Variants in PFAS observed in about 807,000 individuals in gnomAD.
PFAS encodes FGAM synthase.
A neutral mutation model predicts 140.6 loss-of-function variants in PFAS; 97 were observed. The ratio of observed to expected loss-of-function variants is 0.69; its 90% confidence interval spans 0.59 to 0.82. The LOEUF is 0.82. PFAS is among the 40% of genes least tolerant of loss of function. The probability of loss-of-function intolerance (pLI) is 0.00; values close to 1 mark genes in which losing one functional copy is unlikely to be tolerated. For synonymous variants in PFAS, 679 were observed against 718.8 expected, an observed-to-expected ratio of 0.94 and a Z score of 0.88; for missense variants, 1,656 against 1,780.2, an observed-to-expected ratio of 0.93 and a Z score of 1.26.
rs951587461 is a variant in PFAS, at chr17:8,265,069, C to A, written c.2224C>A (p.Leu742Met). Reference protein sequence around the residue: ...SLLDPKVAARLAVAEALTNLV... With the variant: ...SLLDPKVAARMAVAEALTNLV... ...GCTGGACCCAAAAGTCGCCGCCCGG[C>A]TGGCCGTGGCCGAAGCCCTCACCAA... The change falls in exon 18 of 28, where the codon CTG becomes ATG. Residue 742 changes from leucine (L) to methionine (M), a missense_variant. By Grantham distance (15) the Leu-to-Met change is conservative. Around this residue, in one of 2 missense-constraint regions of PFAS, gnomAD observed 883 missense variants for 1,023.0 expected, o/e 0.86. Transcript: ENST00000314666. 9 of 1,613,390 alleles carry A rather than the reference C, an allele frequency of 5.6e-6. No individual in the cohort carries two copies. The East Asian group carries it at 6.7e-5, about 12-fold the overall frequency.
Position 8,267,757 on chromosome 17 carries a change from A to C in PFAS, c.3382+92A>C. On this transcript the variant is annotated intron_variant, in intron 26 of 27. Coordinates refer to ENST00000314666, the MANE Select transcript of PFAS (RefSeq NM_012393.3). This position sits in a 1 kb window ranked among gnomAD's most constrained non-coding sequence, Gnocchi z 4.9. ...TTCCTGGGCTGGGGATTGGCCTCTC[A>C]CTCCACCGAGCTACGAGAGAGTGGG... 6 of 670,088 alleles carry C rather than the reference A, an allele frequency of 9.0e-6. No individual in the cohort carries two copies. Among genetic ancestry groups the C allele is most frequent in the Admixed American group, 5.7e-5 (2 of 34,834 alleles). 41.5% of individuals were successfully genotyped at this position (670,088 alleles called of 1,614,324 possible). A position where few individuals can be genotyped will look rare whatever the true frequency, so the allele number is the denominator to read the frequency against.
chr17:8,265,354 G>C lies in PFAS; in HGVS notation c.2347G>C (p.Asp783His), dbSNP rs757856682. ...KLPGEGAALA[D>H]ACEAMVAVMA... ...CCCAGGGGAGGGCGCAGCTTTGGCG[G>C]ATGCCTGTGAGGCTATGGTGGCAGT... The change falls in exon 19 of 28, where the codon GAT becomes CAT. Residue 783 changes from aspartate (D) to histidine (H), a missense_variant. Asp to His is a moderately conservative substitution (Grantham distance 81, BLOSUM62 -1). Around this residue, in one of 2 missense-constraint regions of PFAS, gnomAD observed 883 missense variants for 1,023.0 expected, o/e 0.86. Transcript: ENST00000314666. The C allele has an allele frequency of 1.2e-6, 2 of 1,614,078 alleles. No homozygotes were observed. The highest frequency in any genetic ancestry group is 2.7e-5 in the African/African-American group (2 of 74,944).
chr17:8,247,751 G>C (rs901954956), upstream of PFAS: 5 of 504,416 alleles, frequency 9.9e-6, no homozygotes, highest in Non-Finnish European at 1.8e-5. Context: ...ACCTGCTCCT[G>C]GTTTCCCACC....
In PFAS at chr17:8,265,906, G is replaced by T. The variant is rs201165318; in HGVS notation, c.2590G>T (p.Gly864Trp). ...VALSPGQHRL[G>W]GTALAQCFSQ... ...TCTGAGCCCTGGGCAGCACCGGCTC[G>T]GGGGCACAGCTCTGGCCCAGTGCTT... Residue 864 changes from glycine to tryptophan, a missense_variant, in exon 21 of 28, where the codon GGG becomes TGG. Gly to Trp is a radical substitution (Grantham distance 184). This residue lies in a region of PFAS where 883 missense variants were observed against 1,023.0 expected (regional missense o/e 0.86). Coordinates refer to ENST00000314666, the MANE Select transcript of PFAS (RefSeq NM_012393.3). 1.2e-6 allele frequency: 2 copies of T among 1,610,806 alleles called. No individual in the cohort carries two copies. Among genetic ancestry groups the T allele is most frequent in the African/African-American group, 1.3e-5 (1 of 74,958 alleles).
chr17:8,252,213 G>C (rs1333042803), intron 1 of PFAS, among the ~76,000 whole-genome samples: 2 of 151,012 alleles, frequency 1.3e-5, no homozygotes, highest in African/African-American at 4.9e-5. Flanking sequence ...AGAATTGCTT[G>C]AACCCAGGTG....
Position 8,269,441 on chromosome 17 carries a change from G to C in PFAS, c.*177G>C. On this transcript the variant is annotated 3_prime_UTR_variant, in exon 28 of 28. Transcript: ENST00000314666. ...TCTGCCTGCTGATGTTCCTTCTGTG[G>C]CTGTGTCTATTTTCAGTTCTGCTCT... The C allele has an allele frequency of 1.7e-6, 1 of 585,530 alleles. No individual in the cohort carries two copies. Among genetic ancestry groups the C allele is most frequent in the Non-Finnish European group, 3.0e-6 (1 of 328,574 alleles). 36.3% of individuals were successfully genotyped at this position (585,530 alleles called of 1,614,324 possible).
chr17:8,255,198 G>A, intron 4 of PFAS, 66 bp downstream of exon 4: 1 of 1,219,494 alleles, frequency 8.2e-7, no homozygotes, highest in South Asian at 1.2e-5. Flanking sequence ...CTAAGCTCTA[G>A]AGAGAAGCAG....
intron 11 of PFAS, among the ~76,000 whole-genome samples, chr17:8,262,153 C>G (rs957732873): frequency 3.3e-5 from 5 of 151,918 alleles, no homozygotes; most frequent in Non-Finnish European, 7.4e-5. Flanking sequence ...AGCAGTATAT[C>G]TTGGAAATAA....
Position 8,266,044 on chromosome 17 carries a change from C to A in PFAS, c.2701+27C>A, listed in dbSNP as rs778930633. ...TGAGTGAAGACCCCTGGGGAGATAG[C>A]GCACAGGGTGCCAGGCGTGCAGCAG... On this transcript the variant is annotated intron_variant, in intron 21 of 27. Transcript: ENST00000314666. This position sits in a 1 kb window ranked among gnomAD's most constrained non-coding sequence, Gnocchi z 5.0. The A allele has an allele frequency of 1.4e-5, 22 of 1,575,808 alleles. No homozygotes were observed. In the East Asian group the frequency reaches 3.8e-4, roughly 27 times the overall value.
At position 8,266,595 on chromosome 17, in the gene PFAS, A is replaced by C. The variant is rs1272470171; in HGVS notation, c.2822-158A>C. The stretch of plus-strand genomic sequence containing the variant: ...GAGATGTCCATGATGAAACATCCTC[A>C]GTCCTGCCGTCCTAGCCCTCATCCT... On this transcript the variant is annotated intron_variant, in intron 22 of 27. Coordinates refer to ENST00000314666, the MANE Select transcript of PFAS (RefSeq NM_012393.3). The surrounding 1 kb of genome is among the most constrained non-coding windows in gnomAD (Gnocchi z 5.0). The C allele has an allele frequency of 1.4e-6, 2 of 1,471,688 alleles. No individual in the cohort carries two copies. The highest frequency in any genetic ancestry group is 2.8e-5 in the African/African-American group (2 of 70,508). The allele number at this position is 1,471,688 out of a possible 1,614,324, so 91.2% of individuals were successfully genotyped here. A position where few individuals can be genotyped will look rare whatever the true frequency, so the allele number is the denominator to read the frequency against.
chr17:8,257,776 G>C (rs1490850225), intron 9 of PFAS, 31 bp from the exon 10 acceptor site: 2 of 1,612,578 alleles, frequency 1.2e-6, no homozygotes, highest in South Asian at 2.2e-5. Flanking sequence ...AGTTCATTCA[G>C]TTCATCCAGT....
chr17:8,262,734 T>G (rs1989641328), intron 11 of PFAS, among the ~76,000 whole-genome samples, 186 bp from the exon 12 acceptor site: 1 of 151,822 alleles, frequency 6.6e-6, no homozygotes, highest in Non-Finnish European at 1.5e-5. Context: ...AGACGGAGGT[T>G]GCAGTGAGCT....
chr17:8,255,972 G>T, intron 6 of PFAS, 62 bp downstream of exon 6: 3 of 1,274,024 alleles, frequency 2.4e-6, no homozygotes, highest in Admixed American at 1.7e-5. Flanking sequence ...GACCACAGGG[G>T]CTCACCTTCA....
At chr17:8,252,064 C>T (rs981070276) in intron 1 of PFAS, among the ~76,000 whole-genome samples, 1 of 151,864 alleles carries the variant, frequency 6.6e-6, no homozygotes, top group South Asian at 2.1e-4. Flanking sequence ...GAGTCCGAGG[C>T]GGGCAGATCA....
chr17:8,262,316 G>A (rs914000862), intron 11 of PFAS: 9 of 152,820 alleles, frequency 5.9e-5, no homozygotes, highest in African/African-American at 2.2e-4. Context: ...TAATACAAAC[G>A]TTACTGTGGT....
intron 9 of PFAS, among the ~76,000 whole-genome samples, chr17:8,257,168 C>T (rs111439370): frequency 0.014 from 2,056 of 152,250 alleles, 19 homozygotes; most frequent in Middle Eastern, 0.051. Flanking sequence ...TGCAGGTCTA[C>T]GATTTTCTTT....
rs1367590745 is a variant in PFAS at position 8,264,206 on chromosome 17, C to G, written c.1792-6C>G. On this transcript the variant is annotated splice_region_variant and splice_polypyrimidine_tract_variant and intron_variant, in intron 15 of 27. Transcript: ENST00000314666. ...CCCCTCTGGGTGGGGTCCCTGTGGT[C>G]TATAGATAGTGCTGGTGGACGATCG... The G allele has an allele frequency of 1.2e-6, 2 of 1,613,762 alleles. No homozygotes were observed. The highest frequency in any genetic ancestry group is 1.7e-6 in the Non-Finnish European group (2 of 1,179,886).
Position 8,268,566 on chromosome 17 carries a change from C to T in PFAS, c.3416C>T (p.Ala1139Val), listed in dbSNP as rs765614343. ...WAAAVTFHPR[A>V]GAELRRFRKR... Reference sequence around the variant, plus strand: ...GCTGCTGTGACCTTTCATCCCAGGGCTGGGGCTGAGCTGAGGCGCTTCCGG... The same window carrying T: ...GCTGCTGTGACCTTTCATCCCAGGGTTGGGGCTGAGCTGAGGCGCTTCCGG... The change falls in exon 27 of 28, where the codon GCT (alanine) becomes GTT (valine). Residue 1139 changes from alanine to valine, a missense_variant. By Grantham distance (64) the Ala-to-Val change is moderately conservative. Around this residue, in one of 2 missense-constraint regions of PFAS, gnomAD observed 883 missense variants for 1,023.0 expected, o/e 0.86. Coordinates refer to ENST00000314666, the MANE Select transcript of PFAS (RefSeq NM_012393.3). 6.2e-7 allele frequency: 1 copy of T among 1,612,422 alleles called. No homozygotes were observed. Among genetic ancestry groups the T allele is most frequent in the Admixed American group, 1.7e-5 (1 of 59,992 alleles).
Position 8,264,262 on chromosome 17 carries a change from G to A in PFAS, c.1842G>A (p.Gly614=), listed in dbSNP as rs780415084. The change falls in exon 16 of 28, where the codon GGG becomes GGA. Residue 614 remains glycine, a synonymous_variant. Transcript: ENST00000314666. ...RECPVRRNGQ[G]DAPPTPLPTP... ...GTCCTGTCAGAAGAAATGGCCAGGG[G>A]GATGCCCCCCCGACACCCCTGCCAA... 1 of 1,614,114 alleles carries A rather than the reference G, an allele frequency of 6.2e-7. No homozygotes were observed. Among genetic ancestry groups the A allele is most frequent in the Non-Finnish European group, 8.5e-7 (1 of 1,179,988 alleles).
Sources: allele counts gnomAD v4.1 joint callset (sites outside exome capture counted in the v4.1 genomes callset), GRCh38; gene constraint gnomAD v4.1.1; regional missense constraint gnomAD v4.1.1; non-coding constraint Gnocchi (gnomAD v3.1); transcripts MANE v1.5; gene names NCBI Gene and HGNC (gene_info 2026-07-23, HGNC 2026-07-21).